Variants in RPS6KC1 observed in about 807,000 individuals in gnomAD.
The protein encoded by RPS6KC1 is inactive ribosomal protein S6 kinase delta-1.
In RPS6KC1, 54 loss-of-function variants were observed where a neutral mutation model predicts 103.8. The ratio of observed to expected loss-of-function variants is 0.52; its 90% CI spans 0.42 to 0.65. The LOEUF (loss-of-function observed/expected upper bound fraction) is 0.65. Ranked by LOEUF, RPS6KC1 falls within the 30% of genes least tolerant of loss-of-function variation. RPS6KC1 has a pLI of 0.00. For missense variants in RPS6KC1, 1,151 were observed against 1,253.8 expected, an observed-to-expected ratio of 0.92 and a Z score of 1.24; for synonymous variants, 439 against 438.7, an observed-to-expected ratio of 1.00 and a Z score of -0.01.
chr1:213,176,290 C>A, intron 7 of RPS6KC1, 110 bp from the exon 8 acceptor site: 1 of 549,188 alleles, frequency 1.8e-6, no homozygotes, highest in South Asian at 4.6e-5. Flanking sequence ...TCTTTCCATT[C>A]TCTGATTTAT....
chr1:213,335,376 G>A, the RPS6KC1 span, among the ~76,000 whole-genome samples: 6 of 152,228 alleles, frequency 3.9e-5, no homozygotes, highest in South Asian at 1.2e-3. Flanking sequence ...TCTCACTAAT[G>A]TGAACGTCCA....
chr1:213,167,469 C>CACACAT (rs1434632286), intron 6 of RPS6KC1, among the ~76,000 whole-genome samples: 3 of 143,632 alleles, frequency 2.1e-5, no homozygotes, highest in Non-Finnish European at 4.6e-5. Context: ...CACACACACA[C>CACACAT]ACACACACAC....
intron 12 of RPS6KC1, among the ~76,000 whole-genome samples, chr1:213,258,072 C>G (rs1303989040): frequency 2.6e-5 from 4 of 152,098 alleles, no homozygotes; most frequent in African/African-American, 9.7e-5. Flanking sequence ...ACCTCTGCCT[C>G]CTGGGTTCAA....
the RPS6KC1 span, among the ~76,000 whole-genome samples, chr1:213,625,702 A>G: frequency 1.3e-5 from 2 of 152,168 alleles, no homozygotes; most frequent in Non-Finnish European, 2.9e-5. Flanking sequence ...TCCTTGCGAT[A>G]GTTTGCTGAG....
At chr1:213,625,395 G>T in the RPS6KC1 span, among the ~76,000 whole-genome samples, 1 of 150,458 alleles carries the variant, frequency 6.6e-6, no homozygotes, top group African/African-American at 2.5e-5. Context: ...TTTGAAATTT[G>T]CTTTTGTTTC....
chr1:213,395,940 C>T, the RPS6KC1 span, among the ~76,000 whole-genome samples: 78 of 152,244 alleles, frequency 5.1e-4, 1 homozygote, highest in Admixed American at 4.0e-3. Flanking sequence ...AGGAAGGCTC[C>T]GAACGGAGTC....
chr1:213,460,405 C>CT, the RPS6KC1 span, among the ~76,000 whole-genome samples: 10,215 of 110,992 alleles, frequency 0.092, 584 homozygotes, highest in African/African-American at 0.15. Context: ...GCAACCCCTG[C>CT]TTTTTTTTTT....
chr1:213,287,065 TAAG>T, the RPS6KC1 span, among the ~76,000 whole-genome samples: 1 of 152,214 alleles, frequency 6.6e-6, no homozygotes, highest in African/African-American at 2.4e-5. Flanking sequence ...GAAGTATTTT[TAAG>T]AAGTGAAAGA....
intron 12 of RPS6KC1, among the ~76,000 whole-genome samples, chr1:213,243,043 T>C (rs542896547): frequency 6.6e-6 from 1 of 152,228 alleles, no homozygotes; most frequent in East Asian, 1.9e-4. Context: ...TCACACAGGC[T>C]GGAATGCAGT....
At chr1:213,205,346 G>A (rs1302174530) in intron 8 of RPS6KC1, 2 of 984,796 alleles carry the variant, frequency 2.0e-6, no homozygotes, top group Non-Finnish European at 2.4e-6. Context: ...GCTTTTAAGA[G>A]TCCCATGGAA....
At chr1:213,302,657 G>T in the RPS6KC1 span, among the ~76,000 whole-genome samples, 7 of 152,132 alleles carry the variant, frequency 4.6e-5, no homozygotes, top group Admixed American at 1.3e-4. Flanking sequence ...TGTGCCCACC[G>T]ATCTGTGGCT....
At chr1:213,768,174 T>C in the RPS6KC1 span, among the ~76,000 whole-genome samples, 2 of 152,170 alleles carry the variant, frequency 1.3e-5, no homozygotes, top group African/African-American at 2.4e-5. Flanking sequence ...AATTCTATCA[T>C]TTGGACTGTG....
chr1:213,612,367 T>C, the RPS6KC1 span, among the ~76,000 whole-genome samples: 1 of 152,230 alleles, frequency 6.6e-6, no homozygotes, highest in Admixed American at 6.5e-5. Context: ...ACATGAATTT[T>C]GTGAATTAAA....
intron 12 of RPS6KC1, among the ~76,000 whole-genome samples, chr1:213,257,741 A>G (rs1013323961): frequency 4.1e-5 from 6 of 144,974 alleles, no homozygotes; most frequent in African/African-American, 1.5e-4. Context: ...TTCAAAACTG[A>G]TGGCTGACAG....
the RPS6KC1 span, among the ~76,000 whole-genome samples, chr1:213,463,116 G>T: frequency 6.6e-6 from 1 of 152,152 alleles, no homozygotes; most frequent in Non-Finnish European, 1.5e-5. Context: ...TAAACAATGT[G>T]TTTATTCTTG....
the RPS6KC1 span, among the ~76,000 whole-genome samples, chr1:213,599,175 C>T: frequency 6.3e-4 from 96 of 152,130 alleles, 2 homozygotes; most frequent in Middle Eastern, 0.01. Flanking sequence ...TGTTTTTGGA[C>T]GTTTACAATT....
At chr1:213,715,028 C>T in the RPS6KC1 span, among the ~76,000 whole-genome samples, 1 of 152,134 alleles carries the variant, frequency 6.6e-6, no homozygotes, top group Admixed American at 6.6e-5. Flanking sequence ...ACAGCAGAAC[C>T]AGAGGGATGG....
At chr1:213,371,802 C>T in the RPS6KC1 span, among the ~76,000 whole-genome samples, 162 of 152,326 alleles carry the variant, frequency 1.1e-3, no homozygotes, top group Non-Finnish European at 1.7e-3. Context: ...ACAGGCTTTC[C>T]GGTTAGCTGC....
the RPS6KC1 span, among the ~76,000 whole-genome samples, chr1:213,662,925 A>G: frequency 6.6e-6 from 1 of 152,180 alleles, no homozygotes; most frequent in Non-Finnish European, 1.5e-5. Flanking sequence ...GTAGCCACCA[A>G]TTGGTGAGCT....
Sources: allele counts gnomAD v4.1 joint callset (sites outside exome capture counted in the v4.1 genomes callset), GRCh38; gene constraint gnomAD v4.1.1; transcripts MANE v1.5; gene names NCBI Gene and HGNC (gene_info 2026-07-23, HGNC 2026-07-21).